THRB: variants seen among roughly 807,000 people sequenced by gnomAD.
The protein encoded by THRB is thyroid hormone receptor beta, also known as nuclear receptor subfamily 1 group A member 2.
A neutral mutation model predicts 47.8 loss-of-function variants in THRB; 12 were observed. That is an observed-to-expected ratio of 0.25 (90% CI 0.16 to 0.41). The LOEUF (loss-of-function observed/expected upper bound fraction) is 0.41, where lower values mean the gene tolerates loss of function less well. THRB is among the 10% of genes least tolerant of loss of function. The pLI is 1.00. For missense variants in THRB, 348 were observed against 589.2 expected, an observed-to-expected ratio of 0.59 and a Z score of 4.24; for synonymous variants, 218 against 212.2, an observed-to-expected ratio of 1.03 and a Z score of -0.24.
intron 4 of THRB, among the ~76,000 whole-genome samples, chr3:24,202,209 A>G (rs1161119520): frequency 1.3e-5 from 2 of 152,344 alleles, no homozygotes; most frequent in Non-Finnish European, 2.9e-5. Context: ...ATTCTTGCTC[A>G]AAGTGACTGA....
At chr3:24,155,507 G>A (rs1441263134) in intron 5 of THRB, among the ~76,000 whole-genome samples, 1 of 152,070 alleles carries the variant, frequency 6.6e-6, no homozygotes, top group Admixed American at 6.5e-5. Flanking sequence ...CTTCCATCAG[G>A]GAATAATGTC....
At chr3:24,469,807 G>A (rs2074422922) in intron 1 of THRB, among the ~76,000 whole-genome samples, 1 of 152,136 alleles carries the variant, frequency 6.6e-6, no homozygotes, top group Non-Finnish European at 1.5e-5. Flanking sequence ...AAACCGTTTG[G>A]GTAACTTATT....
At chr3:24,417,095 A>AACACACACAC (rs67541584) in intron 1 of THRB, among the ~76,000 whole-genome samples, 6 of 135,576 alleles carry the variant, frequency 4.4e-5, no homozygotes, top group African/African-American at 1.6e-4. Flanking sequence ...ATTTTAAACC[A>AACACACACAC]ACACACACAC....
chr3:24,264,091 C>T (rs1216434216), intron 3 of THRB, among the ~76,000 whole-genome samples: 1 of 152,198 alleles, frequency 6.6e-6, no homozygotes. Flanking sequence ...TCCTGTCACA[C>T]TCAGGGTAAA....
intron 6 of THRB, among the ~76,000 whole-genome samples, chr3:24,151,813 C>A (rs534423500): frequency 9.8e-5 from 15 of 152,292 alleles, no homozygotes; most frequent in African/African-American, 3.6e-4. Context: ...CTGTACAGCA[C>A]AAAATTAGCC....
At chr3:24,168,986 CT>C (rs1443675160) in intron 5 of THRB, among the ~76,000 whole-genome samples, 3 of 151,980 alleles carry the variant, frequency 2.0e-5, no homozygotes, top group Non-Finnish European at 4.4e-5. Context: ...TATGAAATGG[CT>C]GAGCAGAAAT....
At chr3:24,390,797 A>ATATATAT (rs1553743104) in intron 1 of THRB, among the ~76,000 whole-genome samples, 23 of 137,850 alleles carry the variant, frequency 1.7e-4, no homozygotes, top group African/African-American at 4.9e-4. Context: ...AAAAAAAAAA[A>ATATATAT]ATATATATAT....
intron 1 of THRB, among the ~76,000 whole-genome samples, chr3:24,423,027 C>G (rs923714974): frequency 6.6e-6 from 1 of 151,812 alleles, no homozygotes; most frequent in East Asian, 2.0e-4. Context: ...AACCTAAAAC[C>G]ACCAAGCTGT....
chr3:24,143,552 A>G lies in THRB; in HGVS notation c.687T>C (p.His229=), dbSNP rs776138484. ...WELIKTVTEA[H]VATNAQGSHW... ...GGCTGCCTTGGGCGTTGGTCGCCAC[A>G]TGGGCTTCGGTGACAGTTTTGATGA... The change falls in exon 8 of 11, where the codon CAT becomes CAC. Residue 229 remains histidine (H), a synonymous_variant. Transcript: ENST00000646209. The G allele has an allele frequency of 1.5e-5, 25 of 1,614,194 alleles. No homozygotes were observed. Among genetic ancestry groups the G allele is most frequent in the Non-Finnish European group, 1.9e-5 (22 of 1,180,026 alleles).
At chr3:24,454,936 G>T (rs1000529003) in intron 1 of THRB, among the ~76,000 whole-genome samples, 1 of 152,008 alleles carries the variant, frequency 6.6e-6, no homozygotes, top group Admixed American at 6.6e-5. Flanking sequence ...CAGCACCATA[G>T]AAAATGTAGA....
chr3:24,379,944 T>C (rs1294010128), intron 1 of THRB, among the ~76,000 whole-genome samples: 1 of 151,662 alleles, frequency 6.6e-6, no homozygotes, highest in East Asian at 1.9e-4. Context: ...CCTCTCCTCA[T>C]GTAGTAACTT....
rs967252397 is a variant in THRB at position 24,186,902 on chromosome 3, G to C, written c.283+3172C>G. 1.6e-4 allele frequency among the ~76,000 whole-genome samples: 21 copies of C among 128,510 alleles called. No homozygotes were observed. The East Asian group carries it at 4.7e-3, about 29-fold the overall frequency. The allele number at this position is 128,510 out of a possible 152,430, so 84.3% of individuals were successfully genotyped here. On this transcript the variant is annotated intron_variant, in intron 5 of 10. Transcript: ENST00000646209. Reference sequence around the variant, plus strand: ...AGAGGTTGCAGTGAGCCGAGATTGCGCCACTGCACTCCATCCTGGGCAACA... The same window carrying C: ...AGAGGTTGCAGTGAGCCGAGATTGCCCCACTGCACTCCATCCTGGGCAACA...
At chr3:24,320,643 G>C (rs2058423228) in intron 2 of THRB, among the ~76,000 whole-genome samples, 1 of 151,998 alleles carries the variant, frequency 6.6e-6, no homozygotes, top group African/African-American at 2.4e-5. Flanking sequence ...GGTGTTTCTA[G>C]TATTAAATAT....
intron 8 of THRB, among the ~76,000 whole-genome samples, chr3:24,135,095 G>T (rs1021657664): frequency 1.3e-5 from 2 of 152,156 alleles, no homozygotes; most frequent in Non-Finnish European, 2.9e-5. Flanking sequence ...AGGGTGTGCT[G>T]ATGAAGCTGC....
intron 1 of THRB, among the ~76,000 whole-genome samples, chr3:24,432,500 T>C (rs1483145747): frequency 6.6e-6 from 1 of 152,140 alleles, no homozygotes; most frequent in Non-Finnish European, 1.5e-5. Flanking sequence ...ATATCTGCAA[T>C]AGCATGTTCA....
chr3:24,443,410 A>C (rs1379790594), intron 1 of THRB, among the ~76,000 whole-genome samples: 1 of 152,226 alleles, frequency 6.6e-6, no homozygotes, highest in Non-Finnish European at 1.5e-5. Context: ...ATTGCCCATG[A>C]AAATATAATT....
At chr3:24,412,016 T>A (rs979658824) in intron 1 of THRB, among the ~76,000 whole-genome samples, 8 of 151,760 alleles carry the variant, frequency 5.3e-5, no homozygotes, top group Non-Finnish European at 1.2e-4. Flanking sequence ...TAGCAATGAA[T>A]TTGGAGATAG....
chr3:24,143,926 C>A, intron 7 of THRB: 1 of 589,410 alleles, frequency 1.7e-6, no homozygotes, highest in Non-Finnish European at 3.0e-6. Context: ...CCATGACCGG[C>A]CAGCTTTTCA....
intron 1 of THRB, among the ~76,000 whole-genome samples, chr3:24,363,747 G>C (rs11707554): frequency 0.24 from 35,826 of 151,928 alleles, 4,590 homozygotes; most frequent in Admixed American, 0.35. Context: ...CTAGTGACTT[G>C]ACATTTTAAG....
Sources: allele counts gnomAD v4.1 joint callset (sites outside exome capture counted in the v4.1 genomes callset), GRCh38; gene constraint gnomAD v4.1.1; transcripts MANE v1.5; gene names NCBI Gene and HGNC (gene_info 2026-07-23, HGNC 2026-07-21).